PTPRD: variants seen among roughly 807,000 people sequenced by gnomAD.
PTPRD encodes protein tyrosine phosphatase receptor type D.
PTPRD carries 34 observed loss-of-function variants against 214.5 expected under a neutral mutation model. That is an observed-to-expected ratio of 0.16 (90% CI 0.12 to 0.21). The LOEUF (loss-of-function observed/expected upper bound fraction) is 0.21. PTPRD is among the 10% of genes least tolerant of loss of function. The pLI, the probability that PTPRD is intolerant of heterozygous loss-of-function variation, is 1.00. For missense variants in PTPRD, 2,545 were observed against 2,398.7 expected (o/e 1.06, Z -1.27); for synonymous variants, 1,128 against 845.7 (o/e 1.33, Z -5.79).
intron 7 of PTPRD, among the ~76,000 whole-genome samples, chr9:9,678,990 A>C (rs187682204): frequency 6.6e-5 from 10 of 152,016 alleles, no homozygotes; most frequent in African/African-American, 2.4e-4. Context: ...ATTTTGGTAC[A>C]TCAGAGTAAT....
chr9:9,263,035 G>C (rs920237847), intron 9 of PTPRD, among the ~76,000 whole-genome samples: 1 of 151,344 alleles, frequency 6.6e-6, no homozygotes. Flanking sequence ...ATAATACCAA[G>C]GGATTAATAG....
intron 4 of PTPRD, among the ~76,000 whole-genome samples, chr9:9,965,408 A>G (rs2094616516): frequency 1.3e-5 from 2 of 152,162 alleles, no homozygotes; most frequent in South Asian, 4.1e-4. Flanking sequence ...ATAAATAGTC[A>G]CGGATTAGCA....
chr9:9,077,192 A>G (rs543511615), intron 10 of PTPRD, among the ~76,000 whole-genome samples: 1 of 145,264 alleles, frequency 6.9e-6, no homozygotes, highest in East Asian at 2.1e-4. Context: ...TGAGCTCCTT[A>G]TATATTCTGG....
At chr9:9,701,938 G>T (rs534201235) in intron 7 of PTPRD, among the ~76,000 whole-genome samples, 3 of 152,222 alleles carry the variant, frequency 2.0e-5, no homozygotes, top group African/African-American at 4.8e-5. Flanking sequence ...GGCCAACATG[G>T]TGAAACTCCG....
intron 12 of PTPRD, among the ~76,000 whole-genome samples, chr9:8,688,560 G>A (rs530517278): frequency 6.5e-5 from 9 of 137,578 alleles, no homozygotes; most frequent in Non-Finnish European, 1.4e-4. Flanking sequence ...GCGAGACTCT[G>A]TCTCAAAAAA....
intron 2 of PTPRD, among the ~76,000 whole-genome samples, chr9:10,460,831 C>T (rs956969116): frequency 6.6e-6 from 1 of 151,932 alleles, no homozygotes; most frequent in East Asian, 1.9e-4. Context: ...TTAGTCTTAG[C>T]AATGATTTAT....
Position 8,318,922 on chromosome 9 carries a change from T to C in PTPRD, c.5670+909A>G, listed in dbSNP as rs146007252. On this transcript the variant is annotated intron_variant, in intron 45 of 45. Transcript: ENST00000381196. The stretch of plus-strand genomic sequence containing the variant: ...GGGCTGAAAGTAGACAGATAGTTTC[T>C]ATTTTGCTTAAATGTGCATTTTTCT... Among the ~76,000 whole-genome samples, 517 of 152,244 alleles carry C rather than the reference T, an allele frequency of 3.4e-3. 6 individuals are homozygous for C. The highest frequency in any genetic ancestry group is 0.012 in the African/African-American group (493 of 41,558).
intron 3 of PTPRD, among the ~76,000 whole-genome samples, chr9:10,214,300 G>C (rs2099530643): frequency 6.6e-6 from 1 of 151,980 alleles, no homozygotes; most frequent in South Asian, 2.1e-4. Context: ...TTTTGAGACA[G>C]ACTTTCACTC....
rs190704862 is a variant in PTPRD, at chr9:9,308,719, T to G, written c.-203+88730A>C. Among the ~76,000 whole-genome samples, 3 of 152,294 alleles carry G rather than the reference T, an allele frequency of 2.0e-5. No homozygotes were observed. The East Asian group carries it at 5.8e-4, about 29-fold the overall frequency. The stretch of plus-strand genomic sequence containing the variant: ...ATACATATATAATTAGGCACTTATT[T>G]TTGGAAAGAGTTATTAAAATGGATA... On this transcript the variant is annotated intron_variant, in intron 9 of 45. Transcript: ENST00000381196.
At chr9:9,019,444 C>G (rs975886202) in intron 10 of PTPRD, among the ~76,000 whole-genome samples, 1 of 152,124 alleles carries the variant, frequency 6.6e-6, no homozygotes, top group Admixed American at 6.5e-5. Context: ...GTGGCTCATG[C>G]CTGTTATCCC....
At position 10,170,547 on chromosome 9, in the gene PTPRD, C is replaced by T. The variant is rs905059504; in HGVS notation, c.-544-136757G>A. Among the ~76,000 whole-genome samples the T allele has an allele frequency of 6.6e-5, 10 of 152,064 alleles. No individual in the cohort carries two copies. In the East Asian group the frequency reaches 1.6e-3, roughly 24 times the overall value. On this transcript the variant is annotated intron_variant, in intron 3 of 45. Transcript: ENST00000381196. ...CTAAAAACACAAAAAATTAACCAGG[C>T]GTGGTGGCAGGCGCCTGTAGTCCCA...
chr9:8,768,969 C>T (rs753229110), intron 11 of PTPRD, among the ~76,000 whole-genome samples: 35 of 152,218 alleles, frequency 2.3e-4, no homozygotes, highest in Admixed American at 8.5e-4. Flanking sequence ...ACAGATTTCC[C>T]GTGTTTCAAG....
At chr9:8,687,506 C>A (rs2097705582) in intron 12 of PTPRD, among the ~76,000 whole-genome samples, 1 of 152,164 alleles carries the variant, frequency 6.6e-6, no homozygotes, top group Non-Finnish European at 1.5e-5. Flanking sequence ...ACTTGATATG[C>A]TCCTCCTAAG....
chr9:9,850,867 T>C (rs567772495), intron 5 of PTPRD, among the ~76,000 whole-genome samples: 5 of 152,306 alleles, frequency 3.3e-5, no homozygotes, highest in Non-Finnish European at 7.4e-5. Flanking sequence ...ATCACCATTT[T>C]ACTCTCTGCT....
chr9:9,732,288 G>A (rs2098211081), intron 7 of PTPRD, among the ~76,000 whole-genome samples: 1 of 151,860 alleles, frequency 6.6e-6, no homozygotes, highest in Non-Finnish European at 1.5e-5. Context: ...TGTATAACTT[G>A]TATATCAAAC....
chr9:10,047,267 A>G (rs1325170830), intron 3 of PTPRD, among the ~76,000 whole-genome samples: 1 of 148,032 alleles, frequency 6.8e-6, no homozygotes, highest in African/African-American at 2.5e-5. Flanking sequence ...TAATCTATCT[A>G]TATTTTAGTT....
chr9:9,425,612 T>C (rs1305233638), intron 8 of PTPRD, among the ~76,000 whole-genome samples: 1 of 151,328 alleles, frequency 6.6e-6, no homozygotes, highest in African/African-American at 2.4e-5. Context: ...CAGCGTAAGA[T>C]CACAGGTACA....
chr9:9,902,075 C>T (rs546396147), intron 5 of PTPRD, among the ~76,000 whole-genome samples: 1 of 152,152 alleles, frequency 6.6e-6, no homozygotes, highest in African/African-American at 2.4e-5. Context: ...CTATTGGCTG[C>T]TTCTACTCTT....
intron 27 of PTPRD, among the ~76,000 whole-genome samples, 197 bp downstream of exon 27, chr9:8,492,665 G>GACAA (rs1240262630): frequency 2.0e-5 from 3 of 148,126 alleles, no homozygotes; most frequent in African/African-American, 7.4e-5. Flanking sequence ...GAATAGTTTG[G>GACAA]ACAAATTATG....
Sources: gnomAD v4.1 joint callset for allele counts (sites outside exome capture counted in the v4.1 genomes callset) on GRCh38, gnomAD v4.1.1 for gene constraint, MANE v1.5 for transcripts, NCBI Gene and HGNC (gene_info 2026-07-23, HGNC 2026-07-21) for gene names.